The following UBE3B variants were observed in gnomAD, a reference collection of about 807,000 sequenced individuals.
The protein encoded by UBE3B is ubiquitin protein ligase E3B, also known as ubiquitin-protein ligase E3B.
Under a neutral mutation model 132.3 loss-of-function variants are expected in UBE3B, and 80 were observed. The observed-to-expected ratio is 0.60, with a 90% confidence interval of 0.50 to 0.73. The LOEUF (loss-of-function observed/expected upper bound fraction) is 0.73, where lower values mean the gene tolerates loss of function less well. Ranked by LOEUF, UBE3B falls within the 30% of genes least tolerant of loss-of-function variation. The pLI is 0.00. For synonymous variants in UBE3B, 487 were observed against 520.4 expected (o/e 0.94, Z 0.87); for missense variants, 1,196 against 1,362.5 (o/e 0.88, Z 1.92).
chr12:109,500,895 C>G (rs1000263735), intron 12 of UBE3B, among the ~76,000 whole-genome samples: 2 of 152,190 alleles, frequency 1.3e-5, no homozygotes, highest in African/African-American at 4.8e-5. Flanking sequence ...GGAGTCTCAC[C>G]TCACCTTCTT....
chr12:109,489,888 CTT>C, intron 7 of UBE3B, 29 bp from the exon 8 acceptor site: 1 of 1,605,656 alleles, frequency 6.2e-7, no homozygotes, highest in Non-Finnish European at 8.5e-7. Flanking sequence ...TGGCAAGAGA[CTT>C]TTTTGTTCTC....
rs532622621 is a variant in UBE3B, at chr12:109,486,087, C to G, written c.342+16C>G. 6.4e-7 allele frequency: 1 copy of G among 1,556,740 alleles called. No individual in the cohort carries two copies. Among genetic ancestry groups the G allele is most frequent in the Admixed American group, 1.9e-5 (1 of 51,718 alleles). The stretch of plus-strand genomic sequence containing the variant: ...TGAGCCTAAGGTAAGTGGACGGGAG[C>G]CGCAGTGTCTCCCACAAGCTCTTAA... On this transcript the variant is annotated intron_variant, in intron 5 of 27. Coordinates refer to ENST00000342494, the MANE Select transcript of UBE3B (RefSeq NM_130466.4).
chr12:109,534,122 A>G lies in UBE3B; in HGVS notation c.3016-469A>G. ...CCTCTGGGTGTAGCTGCCTCTCATG[A>G]TGCAGTTTGAGCCCGTGATGCCACC... On this transcript the variant is annotated intron_variant, in intron 27 of 27. Coordinates refer to ENST00000342494, the MANE Select transcript of UBE3B (RefSeq NM_130466.4). This position sits in a 1 kb window ranked among gnomAD's most constrained non-coding sequence, Gnocchi z 5.2. 1 of 1,294,870 alleles carries G rather than the reference A, an allele frequency of 7.7e-7. No homozygotes were observed. Among genetic ancestry groups the G allele is most frequent in the Non-Finnish European group, 1.0e-6 (1 of 993,660 alleles). The allele number at this position is 1,294,870 out of a possible 1,614,324, so 80.2% of individuals were successfully genotyped here.
At chr12:109,519,969 C>T (rs971381422) in intron 19 of UBE3B, 6 of 152,236 alleles carry the variant, frequency 3.9e-5, no homozygotes, top group African/African-American at 1.2e-4. Context: ...AAACAGGTCT[C>T]GCCACACTGG....
At chr12:109,488,135 A>G (rs1436285047) in intron 6 of UBE3B, among the ~76,000 whole-genome samples, 1 of 152,230 alleles carries the variant, frequency 6.6e-6, no homozygotes, top group African/African-American at 2.4e-5. Flanking sequence ...CAGATGAGGA[A>G]ACCGAGGCAC....
Position 109,524,076 on chromosome 12 carries a change from T to C in UBE3B, c.2463T>C (p.Ser821=). The C allele has an allele frequency of 6.2e-7, 1 of 1,614,200 alleles. No individual in the cohort carries two copies. Among genetic ancestry groups the C allele is most frequent in the Middle Eastern group, 1.7e-4 (1 of 6,056 alleles). ...ATAGCTCGGTGGATGAACTGCCTTC[T>C]CTGGACTCCGAGTTCTATAAAAACC... ...VFYSSVDELP[S]LDSEFYKNLT... The change falls in exon 22 of 28, where the codon TCT becomes TCC. Residue 821 remains serine (S), a synonymous_variant. Coordinates refer to ENST00000342494, the MANE Select transcript of UBE3B (RefSeq NM_130466.4).
chr12:109,546,240 CAG>C, the UBE3B span, among the ~76,000 whole-genome samples: 1 of 152,182 alleles, frequency 6.6e-6, no homozygotes, highest in Admixed American at 6.5e-5. Context: ...TTTGCTATCA[CAG>C]GGGCCCCTGG....
intron 1 of UBE3B, among the ~76,000 whole-genome samples, chr12:109,478,541 G>A (rs1475605327): frequency 6.6e-6 from 1 of 152,198 alleles, no homozygotes; most frequent in African/African-American, 2.4e-5. Context: ...AGCACTTTGG[G>A]AGGCCGAGGC....
chr12:109,517,859 G>T (rs562169889), intron 19 of UBE3B: 2 of 396,672 alleles, frequency 5.0e-6, no homozygotes, highest in African/African-American at 2.0e-5. Flanking sequence ...TCCTCCTCAC[G>T]TGTCTTCATT....
At chr12:109,526,648 G>A (rs767818877) in intron 24 of UBE3B, among the ~76,000 whole-genome samples, 3 of 152,044 alleles carry the variant, frequency 2.0e-5, no homozygotes, top group African/African-American at 7.2e-5. Flanking sequence ...CGAGGCGGGC[G>A]GATCACGAGG....
intron 14 of UBE3B, among the ~76,000 whole-genome samples, chr12:109,506,892 G>C (rs986312799): frequency 1.1e-4 from 16 of 152,312 alleles, no homozygotes; most frequent in Admixed American, 8.5e-4. Context: ...TCAATCACAG[G>C]TGGCCATCTG....
intron 21 of UBE3B, 132 bp from the exon 22 acceptor site, chr12:109,523,846 G>A: frequency 7.6e-7 from 1 of 1,321,456 alleles, no homozygotes. Context: ...CTGCCCTCCG[G>A]ATTGGAAACT....
At chr12:109,536,801 A>C (rs1566122472), downstream of UBE3B, 1 of 152,240 alleles carries the variant, frequency 6.6e-6, no homozygotes, top group Non-Finnish European at 1.5e-5. Context: ...AATGGAGGGA[A>C]GATGTGGAGG....
At chr12:109,532,068 G>A (rs560071565) in intron 26 of UBE3B, among the ~76,000 whole-genome samples, 10 of 152,258 alleles carry the variant, frequency 6.6e-5, no homozygotes, top group South Asian at 6.2e-4. Flanking sequence ...AGCATCCAGG[G>A]GTTTCCTGTG....
chr12:109,527,494 G>T (rs553858652), intron 24 of UBE3B, among the ~76,000 whole-genome samples: 3 of 152,200 alleles, frequency 2.0e-5, no homozygotes, highest in African/African-American at 7.2e-5. Flanking sequence ...GATGCACGTC[G>T]CAGTCCAGTG....
Position 109,483,696 on chromosome 12 carries a change from C to G in UBE3B, c.145C>G (p.Leu49Val), listed in dbSNP as rs776234508. Residue 49 changes from leucine to valine, a missense_variant, in exon 3 of 28, where the codon CTG becomes GTG. Physicochemically the swap from Leu to Val is conservative, Grantham distance 32. Coordinates refer to ENST00000342494, the MANE Select transcript of UBE3B (RefSeq NM_130466.4). Reference protein sequence around the residue: ...HVRSFLCRSRLQRDIRREIDD... With the variant: ...HVRSFLCRSRVQRDIRREIDD... ...CCGGAGTTTTCTCTGTCGGAGTCGA[C>G]TGCAGAGAGATATCAGGTAAGGGCT... is the stretch of plus-strand genomic sequence containing the variant. The G allele has an allele frequency of 6.2e-7, 1 of 1,606,110 alleles. No homozygotes were observed. Among genetic ancestry groups the G allele is most frequent in the East Asian group, 2.2e-5 (1 of 44,828 alleles).
chr12:109,503,227 A>G, intron 14 of UBE3B, 37 bp downstream of exon 14: 2 of 1,596,620 alleles, frequency 1.3e-6, no homozygotes, highest in Non-Finnish European at 1.7e-6. Context: ...CACCTCTCAC[A>G]TTTGGCAGAC....
intron 17 of UBE3B, 63 bp from the exon 18 acceptor site, chr12:109,511,141 G>A: frequency 6.8e-7 from 1 of 1,470,514 alleles, no homozygotes; most frequent in Non-Finnish European, 9.4e-7. Context: ...TCATTTCCCA[G>A]CCTCACACTA....
intron 12 of UBE3B, among the ~76,000 whole-genome samples, chr12:109,500,868 C>T (rs916866802): frequency 1.3e-4 from 20 of 152,312 alleles, no homozygotes; most frequent in African/African-American, 4.6e-4. Context: ...ATATGATGAT[C>T]AATGTGGGAA....
Sources: allele counts gnomAD v4.1 joint callset (sites outside exome capture counted in the v4.1 genomes callset), GRCh38; gene constraint gnomAD v4.1.1; non-coding constraint Gnocchi (gnomAD v3.1); transcripts MANE v1.5; gene names NCBI Gene and HGNC (gene_info 2026-07-23, HGNC 2026-07-21).